CHSY3: variants seen among roughly 807,000 people sequenced by gnomAD.
The protein encoded by CHSY3 is chondroitin sulfate synthase 3, also known as N-acetylgalactosaminyl-proteoglycan 3-beta-glucuronosyltransferase 3.
CHSY3 carries 35 observed loss-of-function variants against 67.2 expected under a neutral mutation model. The observed-to-expected ratio is 0.52, with a 90% CI of 0.40 to 0.69. The LOEUF (loss-of-function observed/expected upper bound fraction) is 0.69. Among genes scored for constraint, CHSY3 ranks in the 30% least tolerant of loss-of-function variants. The pLI is 0.00. For missense variants in CHSY3, 1,069 were observed against 1,138.5 expected (o/e 0.94, Z 0.88); for synonymous variants, 474 against 434.7 (o/e 1.09, Z -1.12).
chr5:130,149,196 T>C (rs1769161390), intron 2 of CHSY3, among the ~76,000 whole-genome samples: 2 of 152,284 alleles, frequency 1.3e-5, no homozygotes, highest in South Asian at 2.1e-4. Context: ...GGTATCTTTA[T>C]AGCAAGACCC....
intron 2 of CHSY3, among the ~76,000 whole-genome samples, chr5:130,156,693 G>C (rs2149726215): frequency 6.6e-6 from 1 of 152,266 alleles, no homozygotes; most frequent in East Asian, 1.9e-4. Context: ...TTAAGCAGCA[G>C]ATAAACAAAT....
Position 130,010,831 on chromosome 5 carries a change from A to G in CHSY3, c.1086+102471A>G, listed in dbSNP as rs181302375. Among the ~76,000 whole-genome samples the G allele has an allele frequency of 2.0e-5, 3 of 152,270 alleles. No individual in the cohort carries two copies. In the East Asian group the frequency reaches 5.8e-4, roughly 29 times the overall value. On this transcript the variant is annotated intron_variant, in intron 2 of 2. Transcript: ENST00000305031. ...CACAGAAACACACACAAAAAAATAG[A>G]GAGTATTATGAACAACTCTAAGCAC... is the stretch of plus-strand genomic sequence containing the variant.
At chr5:129,989,195 T>C (rs1335387452) in intron 2 of CHSY3, among the ~76,000 whole-genome samples, 2 of 151,460 alleles carry the variant, frequency 1.3e-5, no homozygotes, top group African/African-American at 2.4e-5. Flanking sequence ...CACAGCCTTC[T>C]AACAGGGTCA....
At chr5:130,050,037 A>G (rs1351839594) in intron 2 of CHSY3, among the ~76,000 whole-genome samples, 1 of 152,112 alleles carries the variant, frequency 6.6e-6, no homozygotes, top group Non-Finnish European at 1.5e-5. Context: ...ACTTGTAGGT[A>G]TGCCTGTAAG....
intron 2 of CHSY3, among the ~76,000 whole-genome samples, chr5:130,046,586 G>T (rs571444891): frequency 6.6e-6 from 1 of 152,142 alleles, no homozygotes; most frequent in Admixed American, 6.6e-5. Flanking sequence ...CATACTTGCT[G>T]ACTTGAATGA....
chr5:130,106,931 T>G (rs1314080429), intron 2 of CHSY3, among the ~76,000 whole-genome samples: 2 of 151,568 alleles, frequency 1.3e-5, no homozygotes, highest in African/African-American at 4.8e-5. Context: ...CTGCACAGTC[T>G]CAGTTACCTT....
At chr5:130,011,646 T>G (rs770548712) in intron 2 of CHSY3, among the ~76,000 whole-genome samples, 55 of 151,974 alleles carry the variant, frequency 3.6e-4, no homozygotes, top group Non-Finnish European at 4.3e-4. Flanking sequence ...AAGAAAGAAA[T>G]AAAAGGCATC....
intron 2 of CHSY3, among the ~76,000 whole-genome samples, chr5:130,104,755 G>A (rs1385238520): frequency 6.6e-6 from 1 of 151,852 alleles, no homozygotes; most frequent in Non-Finnish European, 1.5e-5. Flanking sequence ...AAAAGTATAA[G>A]TGCATGACTG....
chr5:130,095,244 A>G (rs776659193), intron 2 of CHSY3, among the ~76,000 whole-genome samples: 22 of 152,212 alleles, frequency 1.4e-4, no homozygotes, highest in Non-Finnish European at 2.6e-4. Context: ...AGCAATGAGC[A>G]TGTTCAGTGC....
chr5:129,918,626 A>G (rs1197343718), intron 2 of CHSY3, among the ~76,000 whole-genome samples: 1 of 152,104 alleles, frequency 6.6e-6, no homozygotes, highest in Non-Finnish European at 1.5e-5. Context: ...ATGCCAGGTG[A>G]GTGGGGATGC....
At chr5:129,939,380 A>G (rs987625994) in intron 2 of CHSY3, among the ~76,000 whole-genome samples, 2 of 152,216 alleles carry the variant, frequency 1.3e-5, no homozygotes, top group Non-Finnish European at 2.9e-5. Context: ...GCTTTAAGTC[A>G]TAATGAAGAT....
intron 2 of CHSY3, among the ~76,000 whole-genome samples, chr5:130,075,608 G>A (rs1766224797): frequency 6.6e-6 from 1 of 152,218 alleles, no homozygotes; most frequent in Admixed American, 6.5e-5. Context: ...CTTGACCTCG[G>A]ATTGCTTAGC....
intron 2 of CHSY3, among the ~76,000 whole-genome samples, chr5:129,916,550 A>G (rs1263487941): frequency 6.6e-6 from 1 of 152,242 alleles, no homozygotes; most frequent in Non-Finnish European, 1.5e-5. Context: ...CTGTATTTTA[A>G]TAATCTGATA....
At chr5:130,126,115 A>T (rs1768276905) in intron 2 of CHSY3, among the ~76,000 whole-genome samples, 1 of 152,166 alleles carries the variant, frequency 6.6e-6, no homozygotes, top group Non-Finnish European at 1.5e-5. Flanking sequence ...TTGAGGTTGC[A>T]TGAGTACCTA....
At chr5:129,909,201 T>C (rs1760441903) in intron 2 of CHSY3, among the ~76,000 whole-genome samples, 1 of 152,166 alleles carries the variant, frequency 6.6e-6, no homozygotes. Context: ...ATAATTTTAG[T>C]AAAAATTTAT....
At chr5:130,049,616 G>T (rs965587080) in intron 2 of CHSY3, among the ~76,000 whole-genome samples, 2 of 152,040 alleles carry the variant, frequency 1.3e-5, no homozygotes, top group Non-Finnish European at 2.9e-5. Context: ...CACTTAACTG[G>T]CAAAGTATGA....
chr5:129,950,133 A>G (rs1459298780), intron 2 of CHSY3, among the ~76,000 whole-genome samples: 3 of 148,810 alleles, frequency 2.0e-5, no homozygotes, highest in Non-Finnish European at 4.4e-5. Flanking sequence ...GCGCCACTGC[A>G]CTCCAGCCTG....
intron 2 of CHSY3, among the ~76,000 whole-genome samples, chr5:130,178,245 A>AT (rs1185737384): frequency 2.8e-5 from 2 of 70,608 alleles, no homozygotes; most frequent in African/African-American, 1.2e-4. Context: ...ATATATATAT[A>AT]TATATATATT....
intron 2 of CHSY3, among the ~76,000 whole-genome samples, chr5:130,019,282 C>G (rs1216939573): frequency 6.6e-6 from 1 of 152,028 alleles, no homozygotes; most frequent in African/African-American, 2.4e-5. Flanking sequence ...TTTAAAACAA[C>G]TAATTTTCCA....
Sources: gnomAD v4.1 joint callset for allele counts (sites outside exome capture counted in the v4.1 genomes callset) on GRCh38, gnomAD v4.1.1 for gene constraint, MANE v1.5 for transcripts, NCBI Gene and HGNC (gene_info 2026-07-23, HGNC 2026-07-21) for gene names.